The following DHX29 variants were observed in gnomAD, a reference collection of about 807,000 sequenced individuals.
The protein encoded by DHX29 is ATP-dependent RNA helicase DHX29.
A neutral mutation model predicts 167.9 loss-of-function variants in DHX29; 79 were observed. That is an observed-to-expected ratio of 0.47 (90% CI 0.39 to 0.57). The LOEUF (loss-of-function observed/expected upper bound fraction) is 0.57, where lower values mean the gene tolerates loss of function less well. Ranked by LOEUF, DHX29 falls within the 20% of genes least tolerant of loss-of-function variation. The pLI is 0.00. For missense variants in DHX29, 1,347 were observed against 1,593.4 expected (o/e 0.85, Z 2.63); for synonymous variants, 530 against 546.0 (o/e 0.97, Z 0.41).
At chr5:55,257,759 C>T (rs1746121498) in intron 26 of DHX29, among the ~76,000 whole-genome samples, 1 of 152,208 alleles carries the variant, frequency 6.6e-6, no homozygotes, top group East Asian at 1.9e-4. Flanking sequence ...ATATACTACA[C>T]CCAACTTGGT....
At chr5:55,256,854 C>T (rs746066157) in intron 26 of DHX29, among the ~76,000 whole-genome samples, 1 of 152,090 alleles carries the variant, frequency 6.6e-6, no homozygotes, top group Non-Finnish European at 1.5e-5. Flanking sequence ...AAATTTTATT[C>T]TATAAAAATT....
chr5:55,286,044 G>GGA (rs746571040), intron 8 of DHX29, among the ~76,000 whole-genome samples, 183 bp from the exon 9 acceptor site: 38 of 152,106 alleles, frequency 2.5e-4, no homozygotes, highest in Non-Finnish European at 4.6e-4. Flanking sequence ...CACGAAGTCA[G>GGA]GAGATCGAGA....
intron 10 of DHX29, 56 bp downstream of exon 10, chr5:55,285,237 C>A: frequency 6.4e-7 from 1 of 1,573,276 alleles, no homozygotes; most frequent in Non-Finnish European, 8.6e-7. Context: ...GAAAATTGAA[C>A]CATAATTAAA....
At chr5:55,262,340 G>A (rs973163166) in intron 24 of DHX29, among the ~76,000 whole-genome samples, 3 of 152,124 alleles carry the variant, frequency 2.0e-5, no homozygotes, top group African/African-American at 7.2e-5. Context: ...ACCTTTTAAT[G>A]AAATACTAAG....
At chr5:55,256,621 T>G in intron 26 of DHX29, 81 bp from the exon 27 acceptor site, 1 of 1,279,752 alleles carries the variant, frequency 7.8e-7, no homozygotes, top group East Asian at 2.5e-5. Context: ...AAATAAGAGG[T>G]ATATGTCACT....
Position 55,256,548 on chromosome 5 carries a change from G to A in DHX29, c.4058-8C>T, listed in dbSNP as rs775238784. On this transcript the variant is annotated splice_polypyrimidine_tract_variant and splice_region_variant and intron_variant, in intron 26 of 26. Coordinates refer to ENST00000251636, the MANE Select transcript of DHX29 (RefSeq NM_019030.4). ...TCTGCAGAATCTTGTCATCTGAGTG[G>A]AAGGAAAAAAAAAAGCCACGAATAA... 3.2e-5 allele frequency: 50 copies of A among 1,574,712 alleles called. No homozygotes were observed. The highest frequency in any genetic ancestry group is 4.2e-5 in the Non-Finnish European group (49 of 1,167,464).
chr5:55,269,243 C>CAAAAA (rs34353606), intron 21 of DHX29, among the ~76,000 whole-genome samples, 170 bp downstream of exon 21: 1 of 72,666 alleles, frequency 1.4e-5, no homozygotes, highest in Non-Finnish European at 3.0e-5. Context: ...GACCCTGTCT[C>CAAAAA]AAAAAAAAAA....
In DHX29 at chr5:55,281,491, G is replaced by A. The variant is rs749383567; in HGVS notation, c.1990C>T (p.Arg664Trp). 7 of 1,597,088 alleles carry A rather than the reference G, an allele frequency of 4.4e-6. No homozygotes were observed. Among genetic ancestry groups the A allele is most frequent in the South Asian group, 2.3e-5 (2 of 88,218 alleles). Reference protein sequence around the residue: ...GRNSLCGYQIRMESRACESTR... With the variant: ...GRNSLCGYQIWMESRACESTR... ...GATTCACAAGCTCGAGATTCCATCC[G>A]GATCTGATATCCACACAAGGAATTC... The change falls in exon 12 of 27, where the codon CGG becomes TGG. Residue 664 changes from arginine (R) to tryptophan (W), a missense_variant. This residue lies in a region of DHX29 where 882 missense variants were observed against 1,082.4 expected (regional missense o/e 0.81). Transcript: ENST00000251636.
intron 25 of DHX29, 34 bp from the exon 26 acceptor site, chr5:55,259,978 A>G (rs772643508): frequency 4.7e-6 from 6 of 1,279,848 alleles, no homozygotes; most frequent in Non-Finnish European, 6.8e-6. Flanking sequence ...GGACAAAGTC[A>G]ATCCAGGGCA....
At chr5:55,291,801 C>G (rs1479910767) in intron 6 of DHX29, among the ~76,000 whole-genome samples, 1 of 152,202 alleles carries the variant, frequency 6.6e-6, no homozygotes, top group African/African-American at 2.4e-5. Flanking sequence ...GCATATTTCA[C>G]TTAGCATAAT....
rs564239839 is a variant in DHX29 at position 55,302,050 on chromosome 5, C to T, written c.188-3386G>A. ...ATGCTATAGTTATATCGGAGGTACC[C>T]AAAGCTACATGGCATATGTAAAAAG... is the stretch of plus-strand genomic sequence containing the variant. On this transcript the variant is annotated intron_variant, in intron 1 of 26. Coordinates refer to ENST00000251636, the MANE Select transcript of DHX29 (RefSeq NM_019030.4). 5.7e-4 allele frequency among the ~76,000 whole-genome samples: 86 copies of T among 152,066 alleles called. 1 individual carries two copies. Among genetic ancestry groups the T allele is most frequent in the African/African-American group, 2.0e-3 (82 of 41,462 alleles).
At chr5:55,307,156 G>A (rs1281326920) in intron 1 of DHX29, among the ~76,000 whole-genome samples, 2 of 152,256 alleles carry the variant, frequency 1.3e-5, no homozygotes, top group African/African-American at 2.4e-5. Context: ...AGAAGTGTGA[G>A]TTAAAAGAGA....
chr5:55,303,674 C>T (rs1040706108), intron 1 of DHX29, among the ~76,000 whole-genome samples: 5 of 152,194 alleles, frequency 3.3e-5, no homozygotes, highest in Non-Finnish European at 7.3e-5. Flanking sequence ...ACAGCACTAT[C>T]TTCTTACAAC....
At position 55,270,417 on chromosome 5, in the gene DHX29, T is replaced by C. The variant is rs888937584; in HGVS notation, c.3064A>G (p.Ile1022Val). The part of the protein sequence containing the change: ...RVPLEELCLH[I>V]MKCNLGSPED... ...CCGAGTTCCCTTGAGATTACCATAATATGAAGGCATAATTCCTCCAAAGGT... is the reference window on the plus strand; with the variant it reads ...CCGAGTTCCCTTGAGATTACCATAACATGAAGGCATAATTCCTCCAAAGGT... The change falls in exon 20 of 27, where the codon ATT (isoleucine) becomes GTT (valine). Residue 1022 changes from isoleucine (I) to valine (V), a missense_variant. Around this residue, in one of 3 missense-constraint regions of DHX29, gnomAD observed 882 missense variants for 1,082.4 expected, o/e 0.81. Transcript: ENST00000251636. 7.5e-6 allele frequency: 12 copies of C among 1,607,744 alleles called. No individual in the cohort carries two copies. The highest frequency in any genetic ancestry group is 9.3e-6 in the Non-Finnish European group (11 of 1,177,556).
Position 55,272,085 on chromosome 5 carries a change from A to C in DHX29, c.2864+2T>G. The C allele has an allele frequency of 1.3e-6, 2 of 1,533,706 alleles. No individual in the cohort carries two copies. Among genetic ancestry groups the C allele is most frequent in the Non-Finnish European group, 1.8e-6 (2 of 1,122,004 alleles). ...GTTTTGATTTGGGAAATTTAAACTTACTTATTTTCTTTTGTTCTTCCAGTA... is the reference window on the plus strand; with the variant it reads ...GTTTTGATTTGGGAAATTTAAACTTCCTTATTTTCTTTTGTTCTTCCAGTA... On this transcript the variant is annotated splice_donor_variant, in intron 18 of 26. Transcript: ENST00000251636. LOFTEE classifies it high-confidence loss of function.
Position 55,275,698 on chromosome 5 carries a change from G to C in DHX29, c.2427+568C>G, listed in dbSNP as rs140071742. Among the ~76,000 whole-genome samples the C allele has an allele frequency of 1.1e-4, 16 of 152,060 alleles. No homozygotes were observed. The East Asian group carries it at 3.1e-3, about 29-fold the overall frequency. ...ACATGTCATTGAGACTAACTTCCCA[G>C]GAAGAACTATGCCCTAGACAGCTTC... On this transcript the variant is annotated intron_variant, in intron 14 of 26. Coordinates refer to ENST00000251636, the MANE Select transcript of DHX29 (RefSeq NM_019030.4).
rs747456610 is a variant in DHX29, at chr5:55,274,603, T to A, written c.2690+11A>T. ...AAAACTACCAGGAATATAATGAAGA[T>A]GAGTAGTTACCGTTCAGAATAAAAT... is the stretch of plus-strand genomic sequence containing the variant. On this transcript the variant is annotated intron_variant, in intron 16 of 26. Coordinates refer to ENST00000251636, the MANE Select transcript of DHX29 (RefSeq NM_019030.4). 25 of 1,527,120 alleles carry A rather than the reference T, an allele frequency of 1.6e-5. No homozygotes were observed. The South Asian group carries it at 2.9e-4, about 18-fold the overall frequency. The allele number at this position is 1,527,120 out of a possible 1,614,324, so 94.6% of individuals were successfully genotyped here.
chr5:55,296,777 A>T (rs1748345032), intron 3 of DHX29, among the ~76,000 whole-genome samples: 1 of 149,568 alleles, frequency 6.7e-6, no homozygotes, highest in African/African-American at 2.5e-5. Context: ...CTTAGGACAT[A>T]TTTTTTTTTT....
chr5:55,279,799 G>A (rs2111873172), intron 12 of DHX29: 1 of 149,446 alleles, frequency 6.7e-6, no homozygotes, highest in South Asian at 2.1e-4. Context: ...TCAAACTCCT[G>A]GGCTCAAGTG....
Sources: gnomAD v4.1 joint callset for allele counts (sites outside exome capture counted in the v4.1 genomes callset) on GRCh38, gnomAD v4.1.1 for gene constraint, gnomAD v4.1.1 regional missense constraint, MANE v1.5 for transcripts, NCBI Gene and HGNC (gene_info 2026-07-23, HGNC 2026-07-21) for gene names.